Variants in DENND3 observed in about 807,000 individuals in gnomAD.
DENND3 encodes DENN domain containing 3.
A neutral mutation model predicts 135.1 loss-of-function variants in DENND3; 88 were observed. The ratio of observed to expected loss-of-function variants is 0.65; its 90% CI spans 0.55 to 0.78. DENND3 has a LOEUF of 0.78. DENND3 is among the 30% of genes least tolerant of loss of function. The pLI is 0.00. For synonymous variants in DENND3, 693 were observed against 712.3 expected (o/e 0.97, Z 0.43); for missense variants, 1,392 against 1,688.4 (o/e 0.82, Z 3.08).
At chr8:141,164,660 G>A (rs1031964491) in intron 10 of DENND3, among the ~76,000 whole-genome samples, 24 of 152,208 alleles carry the variant, frequency 1.6e-4, no homozygotes, top group Admixed American at 7.2e-4. Flanking sequence ...GGGGTATTCA[G>A]CAAAGGCTTA....
At position 141,163,324 on chromosome 8, in the gene DENND3, C is replaced by CTT; in HGVS notation, c.1353-7_1353-6dup. 6.5e-7 allele frequency: 1 copy of CTT among 1,549,126 alleles called. No individual in the cohort carries two copies. The highest frequency in any genetic ancestry group is 1.2e-5 in the South Asian group (1 of 86,128). On this transcript the variant is annotated splice_polypyrimidine_tract_variant and intron_variant, in intron 9 of 22. Transcript: ENST00000519811. ...GTTTTAGCACTCAGACTCTCTTTCTCTTTGTTAGGGATGTAAAGAATCATT... is the reference window on the plus strand; with the variant it reads ...GTTTTAGCACTCAGACTCTCTTTCTCTTTTTGTTAGGGATGTAAAGAATCATT...
At position 141,146,231 on chromosome 8, in the gene DENND3, T is replaced by G. The variant is rs1487083082; in HGVS notation, c.735+1972T>G. On this transcript the variant is annotated intron_variant, in intron 5 of 22. Transcript: ENST00000519811. This position sits in a 1 kb window ranked among gnomAD's most constrained non-coding sequence, Gnocchi z 4.3. ...CTGGTTTTATATTTTTTGTTACTCT[T>G]AGATGTAGTGCTGTGTTACTTAATG... Among the ~76,000 whole-genome samples, 3 of 152,222 alleles carry G rather than the reference T, an allele frequency of 2.0e-5. No homozygotes were observed. The highest frequency in any genetic ancestry group is 2.1e-4 in the South Asian group (1 of 4,836).
intron 16 of DENND3, among the ~76,000 whole-genome samples, chr8:141,180,285 A>T (rs1175236018): frequency 1.3e-5 from 2 of 152,102 alleles, no homozygotes; most frequent in Non-Finnish European, 2.9e-5. Context: ...CCAGCCCAAC[A>T]CGCCCCTGGT....
rs1221078032 is a variant in DENND3 at position 141,130,789 on chromosome 8, C to A, written c.102+1980C>A. On this transcript the variant is annotated intron_variant, in intron 1 of 22. Transcript: ENST00000519811. This position sits in a 1 kb window ranked among gnomAD's most constrained non-coding sequence, Gnocchi z 4.2. The stretch of plus-strand genomic sequence containing the variant: ...GCAATCTCCGCCTCCTGAGTTCAAG[C>A]AATTCTCCTGCCTCAGCCTCCTAAG... Among the ~76,000 whole-genome samples the A allele has an allele frequency of 2.6e-5, 4 of 151,512 alleles. No homozygotes were observed. The highest frequency in any genetic ancestry group is 5.9e-5 in the Non-Finnish European group (4 of 67,900).
rs1821118494 is a variant in DENND3 at position 141,168,712 on chromosome 8, GGCT to G, written c.2275+188_2275+190del. On this transcript the variant is annotated intron_variant, in intron 13 of 22. Transcript: ENST00000519811. This position sits in a 1 kb window ranked among gnomAD's most constrained non-coding sequence, Gnocchi z 6.2. Reference sequence around the variant, plus strand: ...ACTACAGGTACGCGACACCGTGCCCGGCTAATTTTAGTATTTTTTGTAGAGACA... The same window carrying G: ...ACTACAGGTACGCGACACCGTGCCCGAATTTTAGTATTTTTTGTAGAGACA... 6.6e-6 allele frequency among the ~76,000 whole-genome samples: 1 copy of G among 151,980 alleles called. No homozygotes were observed. The highest frequency in any genetic ancestry group is 1.5e-5 in the Non-Finnish European group (1 of 68,000).
rs550978332 is a variant in DENND3 at position 141,182,088 on chromosome 8, G to A, written c.2944+1234G>A. ...TGGGATTACAGGTGTGAGCCACTGC[G>A]CCAGCCCAGAAGGGATTTTTAAAAT... On this transcript the variant is annotated intron_variant, in intron 17 of 22. Coordinates refer to ENST00000519811, the MANE Select transcript of DENND3 (RefSeq NM_001352890.3). This position sits in a 1 kb window ranked among gnomAD's most constrained non-coding sequence, Gnocchi z 5.9. Among the ~76,000 whole-genome samples the A allele has an allele frequency of 6.6e-5, 10 of 152,274 alleles. No individual in the cohort carries two copies. Among genetic ancestry groups the A allele is most frequent in the South Asian group, 2.1e-4 (1 of 4,828 alleles).
chr8:141,165,184 A>G lies in DENND3; in HGVS notation c.1450-2A>G. Reference sequence around the variant, plus strand: ...AGTGACCAGCCCCTCTCTCTTTTCCAGGTCTTAGACACCTACATGTTCCAT... The same window carrying G: ...AGTGACCAGCCCCTCTCTCTTTTCCGGGTCTTAGACACCTACATGTTCCAT... On this transcript the variant is annotated splice_acceptor_variant, in intron 10 of 22. Coordinates refer to ENST00000519811, the MANE Select transcript of DENND3 (RefSeq NM_001352890.3). LOFTEE classifies it high-confidence loss of function. 1.2e-6 allele frequency: 2 copies of G among 1,613,174 alleles called. No homozygotes were observed. The highest frequency in any genetic ancestry group is 1.7e-6 in the Non-Finnish European group (2 of 1,179,218).
intron 19 of DENND3, 93 bp from the exon 20 acceptor site, chr8:141,190,191 C>T: frequency 1.4e-6 from 2 of 1,425,728 alleles, no homozygotes; most frequent in Non-Finnish European, 1.8e-6. Flanking sequence ...CACATTTTCT[C>T]TCATGGCGAC....
chr8:141,190,392 A>T lies in DENND3; in HGVS notation c.3354A>T (p.Arg1118Ser). ...QLPRGGLTSI[R>S]LHGGRLWCCT... is the part of the protein sequence containing the mutation. Reference sequence around the variant, plus strand: ...CGCGAGGTGGCCTGACGTCCATCAGACTGCACGGCGGCCGCCTGTGGTGCT... The same window carrying T: ...CGCGAGGTGGCCTGACGTCCATCAGTCTGCACGGCGGCCGCCTGTGGTGCT... The change falls in exon 20 of 23, where the codon AGA (arginine) becomes AGT (serine). Residue 1118 changes from arginine to serine, a missense_variant. Coordinates refer to ENST00000519811, the MANE Select transcript of DENND3 (RefSeq NM_001352890.3). The T allele has an allele frequency of 7.4e-6, 12 of 1,611,628 alleles. No individual in the cohort carries two copies. The highest frequency in any genetic ancestry group is 9.3e-6 in the Non-Finnish European group (11 of 1,179,532).
At chr8:141,173,509 T>G (rs1469728771) in intron 13 of DENND3, 1 of 152,250 alleles carries the variant, frequency 6.6e-6, no homozygotes, top group African/African-American at 2.4e-5. Flanking sequence ...AATTTCCTCC[T>G]GAGCCTGTGA....
intron 18 of DENND3, among the ~76,000 whole-genome samples, chr8:141,187,476 C>T (rs1017668574): frequency 3.9e-5 from 6 of 152,134 alleles, no homozygotes; most frequent in Admixed American, 1.3e-4. Flanking sequence ...CCTCCCGCCT[C>T]GGCCCCGCCA....
In DENND3 at chr8:141,138,094, A is replaced by G. The variant is rs1816994764; in HGVS notation, c.458A>G (p.Asn153Ser). Reference protein sequence around the residue: ...HFLVLTDVCGNRTYGVVAQYY... With the variant: ...HFLVLTDVCGSRTYGVVAQYY... ...CTGGTGCTGACCGATGTCTGCGGGA[A>G]TAGGACCTATGGCGTGGTGGCCCAG... The change falls in exon 3 of 23, where the codon AAT becomes AGT. Residue 153 changes from asparagine (N) to serine (S), a missense_variant. Asn to Ser is a conservative substitution (Grantham distance 46). Transcript: ENST00000519811. This position sits in a 1 kb window ranked among gnomAD's most constrained non-coding sequence, Gnocchi z 4.8. The G allele has an allele frequency of 6.2e-7, 1 of 1,610,396 alleles. No individual in the cohort carries two copies.
chr8:141,166,097 C>T lies in DENND3; in HGVS notation c.1554-93C>T, dbSNP rs1033109562. ...CACTGGTGTCCAAGAGTGTCATGTG[C>T]TCTTCATCACACTGGGAAAAATGCT... On this transcript the variant is annotated intron_variant, in intron 11 of 22. Coordinates refer to ENST00000519811, the MANE Select transcript of DENND3 (RefSeq NM_001352890.3). This position sits in a 1 kb window ranked among gnomAD's most constrained non-coding sequence, Gnocchi z 4.3. 63 of 1,249,442 alleles carry T rather than the reference C, an allele frequency of 5.0e-5. No individual in the cohort carries two copies. Among genetic ancestry groups the T allele is most frequent in the Non-Finnish European group, 6.5e-5 (56 of 866,722 alleles). The allele number at this position is 1,249,442 out of a possible 1,614,324, so 77.4% of individuals were successfully genotyped here.
chr8:141,185,404 A>C, intron 18 of DENND3, 126 bp downstream of exon 18: 1 of 1,290,472 alleles, frequency 7.7e-7, no homozygotes, highest in Middle Eastern at 2.0e-4. Context: ...TTCTGTAAAC[A>C]GGGGGTCTTA....
chr8:141,177,996 T>C, intron 15 of DENND3, 71 bp from the exon 16 acceptor site: 11 of 1,527,776 alleles, frequency 7.2e-6, no homozygotes, highest in Non-Finnish European at 9.7e-6. Flanking sequence ...TCCTGTGTGT[T>C]GCAACAAGGT....
At chr8:141,190,515 G>T in intron 20 of DENND3, 98 bp downstream of exon 20, 1 of 1,423,006 alleles carries the variant, frequency 7.0e-7, no homozygotes, top group Non-Finnish European at 9.2e-7. Flanking sequence ...TTTGCTTCAC[G>T]CCTTTCCAGT....
intron 22 of DENND3, 128 bp from the exon 23 acceptor site, chr8:141,193,905 C>A: frequency 1.9e-6 from 2 of 1,080,802 alleles, no homozygotes; most frequent in Non-Finnish European, 2.7e-6. Flanking sequence ...CCTCAGGCGG[C>A]AGAGGCCCTG....
rs766919263 is a variant in DENND3 at position 141,194,068 on chromosome 8, A to C, written c.3672A>C (p.Thr1224=). Residue 1224 remains threonine (T), a synonymous_variant, in exon 23 of 23, where the codon ACA becomes ACC. Coordinates refer to ENST00000519811, the MANE Select transcript of DENND3 (RefSeq NM_001352890.3). Reference sequence around the variant, plus strand: ...GCAGCCGAGGGCTGGGGCAGGGAACACCCAAGGGGAAAATCTACGTGATTG... The same window carrying C: ...GCAGCCGAGGGCTGGGGCAGGGAACCCCCAAGGGGAAAATCTACGTGATTG... ...WVGSRGLGQG[T]PKGKIYVIDA... 3.1e-6 allele frequency: 5 copies of C among 1,613,792 alleles called. No homozygotes were observed. The highest frequency in any genetic ancestry group is 4.2e-6 in the Non-Finnish European group (5 of 1,179,986).
At chr8:141,147,223 C>T (rs527404387) in intron 5 of DENND3, among the ~76,000 whole-genome samples, 13 of 152,310 alleles carry the variant, frequency 8.5e-5, no homozygotes, top group Middle Eastern at 3.4e-3. Context: ...AGCTGCTCCC[C>T]GCTGCGTGAC....
Sources: allele counts gnomAD v4.1 joint callset (sites outside exome capture counted in the v4.1 genomes callset), GRCh38; gene constraint gnomAD v4.1.1; non-coding constraint Gnocchi (gnomAD v3.1); transcripts MANE v1.5; gene names NCBI Gene and HGNC (gene_info 2026-07-23, HGNC 2026-07-21).